KRABD3: variants seen among roughly 807,000 people sequenced by gnomAD.
KRABD3 encodes the protein KRAB domain-containing protein 3.
the KRABD3 span, among the ~76,000 whole-genome samples, chr7:149,724,130 A>G: frequency 6.6e-6 from 1 of 152,130 alleles, no homozygotes; most frequent in Non-Finnish European, 1.5e-5. Flanking sequence ...TTCTGAAAGG[A>G]AAGTGGGGAG....
At chr7:149,729,360 G>T in the KRABD3 span, 1 of 1,501,366 alleles carries the variant, frequency 6.7e-7, no homozygotes, top group Non-Finnish European at 8.9e-7. Context: ...TGTGGAGGTG[G>T]CTCCCAGAGG....
At chr7:149,723,070 G>A in the KRABD3 span, 2 of 872,136 alleles carry the variant, frequency 2.3e-6, no homozygotes, top group South Asian at 2.1e-5. Context: ...GGTCGCTGCT[G>A]TGTTGCCAGT....
the KRABD3 span, among the ~76,000 whole-genome samples, chr7:149,717,784 C>T: frequency 1.3e-5 from 2 of 152,142 alleles, no homozygotes; most frequent in African/African-American, 4.8e-5. Context: ...GCAGAGAGCC[C>T]GGCAGTAAGT....
chr7:149,726,269 T>C, the KRABD3 span, among the ~76,000 whole-genome samples: 1 of 152,138 alleles, frequency 6.6e-6, no homozygotes, highest in Non-Finnish European at 1.5e-5. Flanking sequence ...TGACTTGTCT[T>C]AGAAGGGACA....
At chr7:149,734,148 C>T in the KRABD3 span, 1 of 1,423,792 alleles carries the variant, frequency 7.0e-7, no homozygotes, top group Non-Finnish European at 9.4e-7. Flanking sequence ...CCAGAGGACG[C>T]CATCTCCCTT....
chr7:149,721,133 T>C, the KRABD3 span: 1 of 1,219,622 alleles, frequency 8.2e-7, no homozygotes, highest in Non-Finnish European at 1.1e-6. Flanking sequence ...GGCTAGGCCG[T>C]GTGCCGCCCT....
chr7:149,729,314 G>A, the KRABD3 span: 21 of 1,599,282 alleles, frequency 1.3e-5, no homozygotes, highest in Middle Eastern at 3.3e-4. Context: ...TGCCACCAGC[G>A]GGGGTTCAAA....
the KRABD3 span, chr7:149,719,972 C>A: frequency 1.3e-6 from 2 of 1,530,944 alleles, no homozygotes; most frequent in Non-Finnish European, 1.8e-6. This position sits in a 1 kb window ranked among gnomAD's most constrained non-coding sequence, Gnocchi z 5.6. Context: ...GGAGACCACT[C>A]CATTCCCAGG....
chr7:149,714,982 G>T, the KRABD3 span: 1 of 1,188,630 alleles, frequency 8.4e-7, no homozygotes, highest in Non-Finnish European at 1.0e-6. Flanking sequence ...GGCCGCCGCC[G>T]ACGAGGGTCG....
At chr7:149,723,458 G>A in the KRABD3 span, 5 of 471,960 alleles carry the variant, frequency 1.1e-5, no homozygotes, top group Non-Finnish European at 1.9e-5. Flanking sequence ...CCCCAGAGCT[G>A]TCTCAAACAG....
chr7:149,720,724 C>T, the KRABD3 span: 3 of 1,134,932 alleles, frequency 2.6e-6, no homozygotes, highest in Admixed American at 4.6e-5. Flanking sequence ...TCTGGCTGCT[C>T]CTCATGTGGC....
At chr7:149,726,624 G>A in the KRABD3 span, among the ~76,000 whole-genome samples, 31 of 152,040 alleles carry the variant, frequency 2.0e-4, no homozygotes, top group African/African-American at 6.7e-4. Context: ...TTTTAGTAGA[G>A]AAGAAGTTTC....
chr7:149,734,291 C>A, the KRABD3 span: 1 of 546,918 alleles, frequency 1.8e-6, no homozygotes. Flanking sequence ...AATGTTGCTT[C>A]CCTCTCCTGT....
At chr7:149,733,990 C>T in the KRABD3 span, 6 of 1,610,424 alleles carry the variant, frequency 3.7e-6, no homozygotes, top group Non-Finnish European at 5.1e-6. Context: ...TGCAGAGGGC[C>T]CTCCAGGAAG....
the KRABD3 span, chr7:149,730,336 C>T: frequency 6.5e-7 from 1 of 1,544,414 alleles, no homozygotes. Flanking sequence ...AAGCCGCTCC[C>T]CCAGGGTGAG....
chr7:149,729,243 G>A, the KRABD3 span: 2 of 1,599,750 alleles, frequency 1.3e-6, no homozygotes, highest in Non-Finnish European at 1.7e-6. Flanking sequence ...GGGGAGAAGC[G>A]CCCACCCGGA....
At chr7:149,727,622 GCACCAGTTTCTT>G in the KRABD3 span, among the ~76,000 whole-genome samples, 2 of 152,162 alleles carry the variant, frequency 1.3e-5, no homozygotes. Flanking sequence ...TTGGCCACTA[GCACCAGTTTCTT>G]CTTTTGGACA....
chr7:149,725,689 C>T, the KRABD3 span, among the ~76,000 whole-genome samples: 11 of 152,250 alleles, frequency 7.2e-5, no homozygotes, highest in Non-Finnish European at 1.5e-4. Flanking sequence ...ACTTCCTTCT[C>T]TCAGAACTCT....
At chr7:149,716,103 G>A in the KRABD3 span, among the ~76,000 whole-genome samples, 2 of 152,300 alleles carry the variant, frequency 1.3e-5, no homozygotes, top group South Asian at 2.1e-4. Flanking sequence ...AGAAGCCCAG[G>A]GCAATGTGAG....
Sources: gnomAD v4.1 joint callset for allele counts (sites outside exome capture counted in the v4.1 genomes callset) on GRCh38, gnomAD v4.1.1 for gene constraint, Gnocchi (gnomAD v3.1) non-coding constraint, MANE v1.5 for transcripts, NCBI Gene and HGNC (gene_info 2026-07-23, HGNC 2026-07-21) for gene names.